The following EOMES variants were observed in gnomAD, a reference collection of about 807,000 sequenced individuals.
The protein encoded by EOMES is eomesodermin.
In EOMES, 18 loss-of-function variants were observed where a neutral mutation model predicts 61.0. The observed-to-expected ratio is 0.30, with a 90% confidence interval of 0.20 to 0.44. EOMES has a LOEUF of 0.44. EOMES is among the 20% of genes least tolerant of loss of function. The pLI is 1.00. For missense variants in EOMES, 885 were observed against 939.2 expected, an observed-to-expected ratio of 0.94 and a Z score of 0.75; for synonymous variants, 430 against 394.0, an observed-to-expected ratio of 1.09 and a Z score of -1.08.
chr3:27,717,495 G>A lies in EOMES; in HGVS notation c.1693C>T (p.Leu565Phe). 1.2e-6 allele frequency: 2 copies of A among 1,614,120 alleles called. No individual in the cohort carries two copies. The highest frequency in any genetic ancestry group is 1.7e-6 in the Non-Finnish European group (2 of 1,179,952). ...YESEYTSSTL[L>F]PYGIKSLPLQ... ...GGCAAGGATTTAATGCCATATGGGA[G>A]CAATGTGCTAGAAGTATATTCAGAT... The change falls in exon 6 of 6, where the codon CTC (leucine) becomes TTC (phenylalanine). Residue 565 changes from leucine (L) to phenylalanine (F), a missense_variant. Leu to Phe is a conservative substitution (Grantham distance 22). Transcript: ENST00000449599. The surrounding 1 kb of genome is among the most constrained non-coding windows in gnomAD (Gnocchi z 4.5).
intron 3 of EOMES, 59 bp downstream of exon 3, chr3:27,719,301 T>C: frequency 1.3e-6 from 2 of 1,541,280 alleles, no homozygotes; most frequent in South Asian, 2.3e-5. Context: ...GGGACTCTTA[T>C]TAGAAAAAAG....
chr3:27,717,207 G>A lies in EOMES; in HGVS notation c.1981C>T (p.Arg661Ter), dbSNP rs768922132. ...DSGVYTSACK[R>*]RRLSPSNSSN... ...GAGTTGCTAGGAGACAGCCGCCTTC[G>A]CTTACAAGCACTGGTGTATACTCCT... Residue 661 changes from arginine to a stop codon, truncating the protein, a stop_gained, in exon 6 of 6, where the codon CGA (arginine) becomes TGA (stop). Coordinates refer to ENST00000449599, the MANE Select transcript of EOMES (RefSeq NM_001278182.2). LOFTEE classifies it high-confidence loss of function. The surrounding 1 kb of genome is among the most constrained non-coding windows in gnomAD (Gnocchi z 4.5). 27 of 1,613,210 alleles carry A rather than the reference G, an allele frequency of 1.7e-5. No individual in the cohort carries two copies. Among genetic ancestry groups the A allele is most frequent in the East Asian group, 8.9e-5 (4 of 44,878 alleles).
upstream of EOMES, chr3:27,722,405 T>G (rs2060624118): frequency 3.7e-6 from 5 of 1,365,714 alleles, no homozygotes; most frequent in South Asian, 8.6e-5. Context: ...TAACTTCCCC[T>G]TCCTCCCGCG....
Position 27,721,600 on chromosome 3 carries a change from T to G in EOMES, c.695A>C (p.Gln232Pro), listed in dbSNP as rs1363789162. The change falls in exon 1 of 6, where the codon CAG (glutamine) becomes CCG (proline). Residue 232 changes from glutamine to proline, a missense_variant. Gln to Pro is a moderately conservative substitution (Grantham distance 76, BLOSUM62 -1). This residue lies in a region of EOMES where 449 missense variants were observed against 383.6 expected (regional missense o/e 1.17). Transcript: ENST00000449599. This position sits in a 1 kb window ranked among gnomAD's most constrained non-coding sequence, Gnocchi z 7.4. Reference sequence around the variant, plus strand: ...GTAGAGCGGAGCCCCCTGGCTGTACTGATAGGTGCCCGGGCCGCCGCCCCC... The same window carrying G: ...GTAGAGCGGAGCCCCCTGGCTGTACGGATAGGTGCCCGGGCCGCCGCCCCC... ...SGGGGGPGTY[Q>P]YSQGAPLYGP... is the part of the protein sequence containing the mutation. 2.6e-6 allele frequency: 4 copies of G among 1,557,860 alleles called. No individual in the cohort carries two copies. In the Admixed American group the frequency reaches 7.7e-5, roughly 30 times the overall value.
chr3:27,717,745 A>T lies in EOMES; in HGVS notation c.1443T>A (p.His481Gln). ...TPSPTDSPRSHQIVPGGRYGV... is the reference protein window; with the variant it reads ...TPSPTDSPRSQQIVPGGRYGV... ...CGTACCGACCTCCAGGGACAATCTGATGGGATCTAGGAGAATCCGTGGGAG... is the reference window on the plus strand; with the variant it reads ...CGTACCGACCTCCAGGGACAATCTGTTGGGATCTAGGAGAATCCGTGGGAG... Residue 481 changes from histidine (H) to glutamine (Q), a missense_variant, in exon 6 of 6, where the codon CAT (histidine) becomes CAA (glutamine). His to Gln is a conservative substitution (Grantham distance 24). Transcript: ENST00000449599. The surrounding 1 kb of genome is among the most constrained non-coding windows in gnomAD (Gnocchi z 4.5). The T allele has an allele frequency of 1.2e-6, 2 of 1,613,410 alleles. No homozygotes were observed. The highest frequency in any genetic ancestry group is 1.7e-6 in the Non-Finnish European group (2 of 1,179,664).
At position 27,718,806 on chromosome 3, in the gene EOMES, G is replaced by A. The variant is rs749397900; in HGVS notation, c.1246C>T (p.Pro416Ser). The A allele has an allele frequency of 1.1e-5, 17 of 1,613,514 alleles. No homozygotes were observed. The highest frequency in any genetic ancestry group is 8.5e-7 in the Non-Finnish European group (1 of 1,179,526). Residue 416 changes from proline to serine, a missense_variant, in exon 4 of 6, where the codon CCC becomes TCC. Physicochemically the swap from Pro to Ser is moderately conservative, Grantham distance 74 (BLOSUM62 -1). Around this residue, in one of 3 missense-constraint regions of EOMES, gnomAD observed 177 missense variants for 273.3 expected, o/e 0.65. Transcript: ENST00000449599. ...TEDGVEDLNE[P>S]SKTQTFTFSE... ...AAGGTAAAAGTCTGGGTCTTTGAGG[G>A]CTCATTCAAGTCCTCCACGCCATCC...
At position 27,721,618 on chromosome 3, in the gene EOMES, C is replaced by T. The variant is rs1243252064; in HGVS notation, c.677G>A (p.Gly226Asp). The T allele has an allele frequency of 6.5e-6, 10 of 1,540,754 alleles. No homozygotes were observed. The African/African-American group carries it at 1.2e-4, about 19-fold the overall frequency. Reference protein sequence around the residue: ...SGAGGSSGGGGGPGTYQYSQG... With the variant: ...SGAGGSSGGGDGPGTYQYSQG... ...GCTGTACTGATAGGTGCCCGGGCCGCCGCCCCCGCCGCTGCTACCGCCCGC... is the reference window on the plus strand; with the variant it reads ...GCTGTACTGATAGGTGCCCGGGCCGTCGCCCCCGCCGCTGCTACCGCCCGC... The change falls in exon 1 of 6, where the codon GGC becomes GAC. Residue 226 changes from glycine to aspartate, a missense_variant. Physicochemically the swap from Gly to Asp is moderately conservative, Grantham distance 94. Around this residue, in one of 3 missense-constraint regions of EOMES, gnomAD observed 449 missense variants for 383.6 expected, o/e 1.17. Transcript: ENST00000449599. This position sits in a 1 kb window ranked among gnomAD's most constrained non-coding sequence, Gnocchi z 7.4.
chr3:27,722,362 TG>T (rs2060623882), upstream of EOMES: 4 of 1,402,612 alleles, frequency 2.9e-6, no homozygotes, highest in Non-Finnish European at 3.7e-6. Flanking sequence ...AAAGGCAGGA[TG>T]GGGGAGCCAG....
Position 27,721,746 on chromosome 3 carries a change from C to T in EOMES, c.549G>A (p.Ala183=). 6.7e-7 allele frequency: 1 copy of T among 1,486,832 alleles called. No individual in the cohort carries two copies. The allele number at this position is 1,486,832 out of a possible 1,614,324, so 92.1% of individuals were successfully genotyped here. A position where few individuals can be genotyped will look rare whatever the true frequency, so the allele number is the denominator to read the frequency against. Residue 183 remains alanine, a synonymous_variant, in exon 1 of 6, where the codon GCG becomes GCA. Coordinates refer to ENST00000449599, the MANE Select transcript of EOMES (RefSeq NM_001278182.2). This position sits in a 1 kb window ranked among gnomAD's most constrained non-coding sequence, Gnocchi z 7.4. ...GCAGCATGGAGCCGTAGGGGTAGCG[C>T]GCCCCGTTAGGAGCCGGGTACACAG... ...HGPVYPAPNG[A]RYPYGSMLPP... is the part of the protein sequence containing the mutation.
At chr3:27,720,023 C>A in intron 2 of EOMES, 148 bp downstream of exon 2, 1 of 681,312 alleles carries the variant, frequency 1.5e-6, no homozygotes, top group Non-Finnish European at 2.4e-6. Flanking sequence ...GTCAAACAAG[C>A]AACTCAAAGA....
intron 5 of EOMES, 113 bp downstream of exon 5, chr3:27,718,474 G>A (rs2060585981): frequency 4.3e-6 from 3 of 690,004 alleles, no homozygotes; most frequent in Middle Eastern, 4.5e-4. Flanking sequence ...AGAAAAATAT[G>A]TAAAAATCCC....
chr3:27,716,042 A>T lies in EOMES; in HGVS notation c.*1028T>A, dbSNP rs138859451. On this transcript the variant is annotated 3_prime_UTR_variant, in exon 6 of 6. Transcript: ENST00000449599. ...AAATGCCTATAGGAGCTGTGGTATC[A>T]GGTTTTAGTTTCTTCACATTACCAA... 1 of 152,392 alleles carries T rather than the reference A, an allele frequency of 6.6e-6. No homozygotes were observed. Among genetic ancestry groups the T allele is most frequent in the African/African-American group, 2.4e-5 (1 of 41,586 alleles). The allele number at this position is 152,392 out of a possible 1,614,324, so 9.4% of individuals were successfully genotyped here.
In EOMES at chr3:27,719,510, C is replaced by G. The variant is rs115265434; in HGVS notation, c.1037-29G>C. ...AGAGAAAATGAAACAAAACACAAAA[C>G]CCAAGCATATAGGGCTGTTTACAAA... On this transcript the variant is annotated intron_variant, in intron 2 of 5. Coordinates refer to ENST00000449599, the MANE Select transcript of EOMES (RefSeq NM_001278182.2). 82 of 1,609,586 alleles carry G rather than the reference C, an allele frequency of 5.1e-5. No homozygotes were observed. The African/African-American group carries it at 1.0e-3, about 20-fold the overall frequency.
chr3:27,720,799 C>G (rs1192049113), intron 1 of EOMES, among the ~76,000 whole-genome samples: 1 of 152,068 alleles, frequency 6.6e-6, no homozygotes, highest in East Asian at 1.9e-4. Context: ...CTCTCAGCAC[C>G]CACCCCTCCC....
chr3:27,722,142 C>T lies in EOMES; in HGVS notation c.153G>A (p.Ala51=), dbSNP rs1397255385. 4.5e-6 allele frequency: 7 copies of T among 1,564,018 alleles called. No individual in the cohort carries two copies. Among genetic ancestry groups the T allele is most frequent in the African/African-American group, 1.3e-5 (1 of 74,102 alleles). The change falls in exon 1 of 6, where the codon GCG becomes GCA. Residue 51 remains alanine (A), a synonymous_variant. Transcript: ENST00000449599. ...AGAGACTGCCGGAAAACTTCTTGGACGCTTTGTCTAAGTCCAACTTCTGAG... is the reference window on the plus strand; with the variant it reads ...AGAGACTGCCGGAAAACTTCTTGGATGCTTTGTCTAAGTCCAACTTCTGAG... ...PSPQKLDLDK[A]SKKFSGSLSC...
intron 2 of EOMES, among the ~76,000 whole-genome samples, chr3:27,719,812 G>A (rs1388979329): frequency 5.3e-5 from 8 of 152,126 alleles, no homozygotes; most frequent in Non-Finnish European, 1.0e-4. Flanking sequence ...GAAGACAGTT[G>A]GATATTTATG....
At position 27,717,204 on chromosome 3, in the gene EOMES, T is replaced by C. The variant is rs1324439103; in HGVS notation, c.1984A>G (p.Arg662Gly). ...CTGGAGTTGCTAGGAGACAGCCGCC[T>C]TCGCTTACAAGCACTGGTGTATACT... ...SGVYTSACKRRRLSPSNSSNE... is the reference protein window; with the variant it reads ...SGVYTSACKRGRLSPSNSSNE... Residue 662 changes from arginine (R) to glycine (G), a missense_variant, in exon 6 of 6, where the codon AGG becomes GGG. By Grantham distance (125) the Arg-to-Gly change is moderately radical (BLOSUM62 -2). Around this residue, in one of 3 missense-constraint regions of EOMES, gnomAD observed 259 missense variants for 282.3 expected, o/e 0.92. Coordinates refer to ENST00000449599, the MANE Select transcript of EOMES (RefSeq NM_001278182.2). The surrounding 1 kb of genome is among the most constrained non-coding windows in gnomAD (Gnocchi z 4.5). The C allele has an allele frequency of 6.2e-7, 1 of 1,613,234 alleles. No individual in the cohort carries two copies. Among genetic ancestry groups the C allele is most frequent in the African/African-American group, 1.3e-5 (1 of 74,922 alleles).
rs773147341 is a variant in EOMES at position 27,722,227 on chromosome 3, T to G, written c.68A>C (p.Glu23Ala). ...CCCGCCGCTGCCGCCTCGCGCACTC[T>G]CCAGCGGGTAGAAGTGCGCGCCAGG... ...NLPGAHFYPLESARGGSGGSA... is the reference protein window; with the variant it reads ...NLPGAHFYPLASARGGSGGSA... The change falls in exon 1 of 6, where the codon GAG (glutamate) becomes GCG (alanine). Residue 23 changes from glutamate to alanine, a missense_variant. Around this residue, in one of 3 missense-constraint regions of EOMES, gnomAD observed 449 missense variants for 383.6 expected, o/e 1.17. Coordinates refer to ENST00000449599, the MANE Select transcript of EOMES (RefSeq NM_001278182.2). 8 of 1,605,226 alleles carry G rather than the reference T, an allele frequency of 5.0e-6. No individual in the cohort carries two copies. Among genetic ancestry groups the G allele is most frequent in the Non-Finnish European group, 6.8e-6 (8 of 1,176,800 alleles).
Position 27,722,208 on chromosome 3 carries a change from G to A in EOMES, c.87C>T (p.Ser29=), listed in dbSNP as rs2060621998. The A allele has an allele frequency of 3.7e-6, 6 of 1,604,710 alleles. No homozygotes were observed. Among genetic ancestry groups the A allele is most frequent in the South Asian group, 3.3e-5 (3 of 89,670 alleles). ...FYPLESARGG[S]GGSAGHLPSA... is the part of the protein sequence containing the mutation. ...TGGGGAGGTGGCCAGCGCTCCCGCC[G>A]CTGCCGCCTCGCGCACTCTCCAGCG... is the stretch of plus-strand genomic sequence containing the variant. The change falls in exon 1 of 6, where the codon AGC becomes AGT. Residue 29 remains serine, a synonymous_variant. Coordinates refer to ENST00000449599, the MANE Select transcript of EOMES (RefSeq NM_001278182.2).
Sources: allele counts gnomAD v4.1 joint callset (sites outside exome capture counted in the v4.1 genomes callset), GRCh38; gene constraint gnomAD v4.1.1; regional missense constraint gnomAD v4.1.1; non-coding constraint Gnocchi (gnomAD v3.1); transcripts MANE v1.5; gene names NCBI Gene and HGNC (gene_info 2026-07-23, HGNC 2026-07-21).